Variants in GRM4 observed in about 807,000 individuals in gnomAD.
The protein encoded by GRM4 is metabotropic glutamate receptor 4.
A neutral mutation model predicts 81.7 loss-of-function variants in GRM4; 28 were observed. The ratio of observed to expected loss-of-function variants is 0.34; its 90% CI spans 0.25 to 0.47. The LOEUF is 0.47. Ranked by LOEUF, GRM4 falls within the 20% of genes least tolerant of loss-of-function variation. The pLI, the probability that GRM4 is intolerant of heterozygous loss-of-function variation, is 1.00. For synonymous variants in GRM4, 488 were observed against 528.8 expected (o/e 0.92, Z 1.06); for missense variants, 948 against 1,290.0 (o/e 0.73, Z 4.06).
intron 3 of GRM4, among the ~76,000 whole-genome samples, chr6:34,083,969 C>T (rs1357118043): frequency 6.6e-6 from 1 of 152,232 alleles, no homozygotes; most frequent in African/African-American, 2.4e-5. Flanking sequence ...TCACCCCTGA[C>T]ATCCACTCCT....
intron 3 of GRM4, among the ~76,000 whole-genome samples, chr6:34,066,369 A>G (rs533600016): frequency 6.6e-6 from 1 of 152,330 alleles, no homozygotes; most frequent in South Asian, 2.1e-4. Context: ...GATGAATAAC[A>G]GTTCTCATGT....
At position 34,155,044 on chromosome 6, in the gene GRM4, G is replaced by A. The variant is rs116464093; in HGVS notation, c.312+35C>T. On this transcript the variant is annotated intron_variant, in intron 1 of 8. Coordinates refer to the GRM4 transcript ENST00000374177. ...CTGGGCACCTCCCCGTCCCACGCCC[G>A]GGGACACGCCCGGATTGAGAGGCTT... 4.8e-6 allele frequency: 7 copies of A among 1,452,740 alleles called. No individual in the cohort carries two copies. In the African/African-American group the frequency reaches 5.6e-5, roughly 12 times the overall value. The allele number at this position is 1,452,740 out of a possible 1,614,324, so 90.0% of individuals were successfully genotyped here.
chr6:34,064,599 C>A lies in GRM4; in HGVS notation c.737-2571G>T, dbSNP rs1766354568. Among the ~76,000 whole-genome samples the A allele has an allele frequency of 6.6e-6, 1 of 152,192 alleles. No homozygotes were observed. Among genetic ancestry groups the A allele is most frequent in the South Asian group, 2.1e-4 (1 of 4,834 alleles). On this transcript the variant is annotated intron_variant, in intron 3 of 10. Coordinates refer to ENST00000538487, the MANE Select transcript of GRM4 (RefSeq NM_000841.4). The surrounding 1 kb of genome is among the most constrained non-coding windows in gnomAD (Gnocchi z 4.4). ...ATGAGAAACCAAGTGCCCGTGGGTT[C>A]CCTCTGTTTCACAGCCCTATTGTCA...
intron 2 of GRM4, chr6:34,110,889 C>T (rs765731359): frequency 4.8e-5 from 62 of 1,296,308 alleles, no homozygotes; most frequent in Non-Finnish European, 5.8e-5. Flanking sequence ...AAGTTCCCCC[C>T]AGGGCAGGCT....
In GRM4 at chr6:34,064,044, T is replaced by C. The variant is rs1224226121; in HGVS notation, c.737-2016A>G. Reference sequence around the variant, plus strand: ...TGGTCTTGCCTGGCACCTCAGGGCATATCTTGCAAGCTTCGTTTTGCTGGT... The same window carrying C: ...TGGTCTTGCCTGGCACCTCAGGGCACATCTTGCAAGCTTCGTTTTGCTGGT... On this transcript the variant is annotated intron_variant, in intron 3 of 10. Coordinates refer to ENST00000538487, the MANE Select transcript of GRM4 (RefSeq NM_000841.4). The surrounding 1 kb of genome is among the most constrained non-coding windows in gnomAD (Gnocchi z 4.4). Among the ~76,000 whole-genome samples, 1 of 152,178 alleles carries C rather than the reference T, an allele frequency of 6.6e-6. No individual in the cohort carries two copies. The highest frequency in any genetic ancestry group is 2.4e-5 in the African/African-American group (1 of 41,448).
intron 2 of GRM4, among the ~76,000 whole-genome samples, chr6:34,095,981 G>A (rs191067387): frequency 2.3e-4 from 35 of 152,306 alleles, no homozygotes; most frequent in African/African-American, 7.0e-4. Flanking sequence ...GGAGGGGGAC[G>A]TGCAATTTAC....
chr6:34,133,862 T>C lies in GRM4; in HGVS notation c.-363-3A>G. The C allele has an allele frequency of 9.5e-7, 1 of 1,047,588 alleles. No homozygotes were observed. The highest frequency in any genetic ancestry group is 7.0e-5 in the East Asian group (1 of 14,358). The allele number at this position is 1,047,588 out of a possible 1,614,324, so 64.9% of individuals were successfully genotyped here. On this transcript the variant is annotated splice_polypyrimidine_tract_variant and splice_region_variant and intron_variant, in intron 1 of 10. Transcript: ENST00000538487. The surrounding 1 kb of genome is among the most constrained non-coding windows in gnomAD (Gnocchi z 6.5). ...TCCAATCCTCTCCTCCTACCAACCTTAGAAGGGGAAGAGAGAGAGAGAATA... is the reference window on the plus strand; with the variant it reads ...TCCAATCCTCTCCTCCTACCAACCTCAGAAGGGGAAGAGAGAGAGAGAATA...
At chr6:34,150,170 G>A (rs1489462614), upstream of GRM4, among the ~76,000 whole-genome samples, 1 of 151,164 alleles carries the variant, frequency 6.6e-6, no homozygotes, top group Non-Finnish European at 1.5e-5. Flanking sequence ...ATTTGTACCT[G>A]TACCCCACCT....
intron 3 of GRM4, among the ~76,000 whole-genome samples, chr6:34,083,223 AGAAAAGCAGCAGGCCCGGC>A (rs1447457647): frequency 2.0e-5 from 3 of 152,144 alleles, no homozygotes; most frequent in African/African-American, 7.2e-5. Flanking sequence ...CCGCACTGAA[AGAAAAGCAGCAGGCCCGGC>A]GACACCAACC....
In GRM4 at chr6:34,134,035, GGA is replaced by G. The variant is rs936764040; in HGVS notation, c.-363-178_-363-177del. 7.9e-5 allele frequency among the ~76,000 whole-genome samples: 12 copies of G among 152,154 alleles called. No individual in the cohort carries two copies. The South Asian group carries it at 1.2e-3, about 16-fold the overall frequency. On this transcript the variant is annotated intron_variant, in intron 1 of 10. Transcript: ENST00000538487. Reference sequence around the variant, plus strand: ...CCATTGCTCAAATCTGGCTTAAATGGGAGAGTGTATGGCAGAAATTAGGTCAT... The same window carrying G: ...CCATTGCTCAAATCTGGCTTAAATGGGAGTGTATGGCAGAAATTAGGTCAT...
At chr6:34,128,666 C>T (rs1404355639) in intron 2 of GRM4, among the ~76,000 whole-genome samples, 1 of 152,180 alleles carries the variant, frequency 6.6e-6, no homozygotes, top group Non-Finnish European at 1.5e-5. Context: ...GCGTGAGCCA[C>T]CACACCTAGC....
In GRM4 at chr6:34,121,530, C is replaced by T. The variant is rs1444520797; in HGVS notation, c.519+11448G>A. On this transcript the variant is annotated intron_variant, in intron 2 of 10. Coordinates refer to ENST00000538487, the MANE Select transcript of GRM4 (RefSeq NM_000841.4). This position sits in a 1 kb window ranked among gnomAD's most constrained non-coding sequence, Gnocchi z 4.6. ...GCCCCGCTCTACCCAGCCAGAGCTC[C>T]CCCTCCAGGAGATTTCAACTCTGAT... is the stretch of plus-strand genomic sequence containing the variant. Among the ~76,000 whole-genome samples, 1 of 152,210 alleles carries T rather than the reference C, an allele frequency of 6.6e-6. No homozygotes were observed. The highest frequency in any genetic ancestry group is 1.5e-5 in the Non-Finnish European group (1 of 68,032).
intron 6 of GRM4, among the ~76,000 whole-genome samples, chr6:34,043,981 G>A (rs1765134901): frequency 6.6e-6 from 1 of 152,044 alleles, no homozygotes; most frequent in African/African-American, 2.4e-5. Context: ...CATATGGAAA[G>A]ACTGGGGTGC....
intron 3 of GRM4, among the ~76,000 whole-genome samples, chr6:34,087,261 A>C (rs1343586207): frequency 6.6e-6 from 1 of 151,604 alleles, no homozygotes; most frequent in East Asian, 1.9e-4. Flanking sequence ...TCTACTAAAT[A>C]TACAAAAATT....
At chr6:34,119,536 C>G (rs1355972988) in intron 2 of GRM4, among the ~76,000 whole-genome samples, 1 of 152,200 alleles carries the variant, frequency 6.6e-6, no homozygotes, top group Non-Finnish European at 1.5e-5. Flanking sequence ...ACCAGCCCTG[C>G]CCCTCTCTGG....
intron 3 of GRM4, among the ~76,000 whole-genome samples, chr6:34,076,678 G>C (rs945887377): frequency 2.0e-5 from 3 of 152,048 alleles, no homozygotes; most frequent in South Asian, 2.1e-4. Flanking sequence ...AGCAGGAGAG[G>C]CCTTCTTGAG....
At position 34,090,648 on chromosome 6, in the gene GRM4, G is replaced by A. The variant is rs1489269900; in HGVS notation, c.736+1235C>T. Among the ~76,000 whole-genome samples, 2 of 151,822 alleles carry A rather than the reference G, an allele frequency of 1.3e-5. No individual in the cohort carries two copies. Among genetic ancestry groups the A allele is most frequent in the South Asian group, 2.1e-4 (1 of 4,798 alleles). ...GTGCTGCCCCACTTCCCGCCGCCCCGCTGCCCCCTCCACCAGGTGGAGGCC... is the reference window on the plus strand; with the variant it reads ...GTGCTGCCCCACTTCCCGCCGCCCCACTGCCCCCTCCACCAGGTGGAGGCC... On this transcript the variant is annotated intron_variant, in intron 3 of 10. Coordinates refer to ENST00000538487, the MANE Select transcript of GRM4 (RefSeq NM_000841.4). This position sits in a 1 kb window ranked among gnomAD's most constrained non-coding sequence, Gnocchi z 5.2.
intron 6 of GRM4, among the ~76,000 whole-genome samples, chr6:34,051,366 G>C (rs763574964): frequency 9.9e-5 from 15 of 152,170 alleles, no homozygotes; most frequent in South Asian, 2.1e-4. Flanking sequence ...CTGTGATTAT[G>C]TTTTCACTAT....
intron 9 of GRM4, among the ~76,000 whole-genome samples, chr6:34,033,518 G>A (rs1442891240): frequency 1.3e-5 from 2 of 152,136 alleles, no homozygotes; most frequent in African/African-American, 2.4e-5. Context: ...AGCAGGGGAT[G>A]ATGAGACCTC....
Sources: gnomAD v4.1 joint callset for allele counts (sites outside exome capture counted in the v4.1 genomes callset) on GRCh38, gnomAD v4.1.1 for gene constraint, Gnocchi (gnomAD v3.1) non-coding constraint, MANE v1.5 for transcripts, NCBI Gene and HGNC (gene_info 2026-07-23, HGNC 2026-07-21) for gene names.